Variants in PARD3B observed in about 807,000 individuals in gnomAD.
PARD3B encodes partitioning defective 3 homolog B.
A neutral mutation model predicts 130.2 loss-of-function variants in PARD3B; 103 were observed. The observed-to-expected ratio is 0.79, with a 90% CI of 0.67 to 0.93. The LOEUF (loss-of-function observed/expected upper bound fraction) is 0.93. Among genes scored for constraint, PARD3B ranks in the 40% least tolerant of loss-of-function variants. PARD3B has a pLI of 0.00. For missense variants in PARD3B, 1,609 were observed against 1,499.2 expected (o/e 1.07, Z -1.21); for synonymous variants, 583 against 553.2 (o/e 1.05, Z -0.76).
At chr2:204,692,709 A>C in intron 2 of PARD3B, among the ~76,000 whole-genome samples, 1 of 152,052 alleles carries the variant, frequency 6.6e-6, no homozygotes, top group East Asian at 1.9e-4. Context: ...ACATAGAAGA[A>C]GTTTGGAGAA....
chr2:204,917,470 T>C (rs2047491326), intron 2 of PARD3B, among the ~76,000 whole-genome samples: 1 of 152,206 alleles, frequency 6.6e-6, no homozygotes, highest in Non-Finnish European at 1.5e-5. Flanking sequence ...AATTTTTTTA[T>C]CCTGGGCAAC....
At chr2:204,809,111 T>TA (rs1263051506) in intron 2 of PARD3B, among the ~76,000 whole-genome samples, 3 of 152,134 alleles carry the variant, frequency 2.0e-5, no homozygotes, top group African/African-American at 4.8e-5. Flanking sequence ...TGCCCACTTT[T>TA]AATGGGTTTG....
chr2:204,547,342 T>G (rs1172046512), intron 1 of PARD3B, among the ~76,000 whole-genome samples: 1 of 151,880 alleles, frequency 6.6e-6, no homozygotes, highest in Non-Finnish European at 1.5e-5. Flanking sequence ...TGGAGGAGAG[T>G]ACAATGAAAG....
At chr2:204,831,827 A>G (rs1289308337) in intron 2 of PARD3B, among the ~76,000 whole-genome samples, 3 of 151,996 alleles carry the variant, frequency 2.0e-5, no homozygotes, top group African/African-American at 2.4e-5. Context: ...TTTTTTTTAT[A>G]CAATATAAAT....
At chr2:204,942,332 C>T (rs988919260) in intron 2 of PARD3B, among the ~76,000 whole-genome samples, 5 of 151,932 alleles carry the variant, frequency 3.3e-5, no homozygotes, top group Admixed American at 3.3e-4. Flanking sequence ...CTTTCTCTTT[C>T]TGTTTTGATA....
intron 4 of PARD3B, among the ~76,000 whole-genome samples, chr2:205,052,183 GT>G (rs1452417289): frequency 6.6e-6 from 1 of 151,780 alleles, no homozygotes. Flanking sequence ...TTAATATCCG[GT>G]TAACTAGCAA....
At position 204,623,375 on chromosome 2, in the gene PARD3B, C is replaced by G. The variant is rs1275512914; in HGVS notation, c.121-62806C>G. Among the ~76,000 whole-genome samples, 1 of 152,064 alleles carries G rather than the reference C, an allele frequency of 6.6e-6. No individual in the cohort carries two copies. Among genetic ancestry groups the G allele is most frequent in the Non-Finnish European group, 1.5e-5 (1 of 68,002 alleles). ...ATTACAATCAAGATAAGGAACTATT[C>G]TACCATATTCTACCATCACAAAAAC... On this transcript the variant is annotated intron_variant, in intron 1 of 22. Coordinates refer to ENST00000406610, the MANE Select transcript of PARD3B (RefSeq NM_001302769.2). This position sits in a 1 kb window ranked among gnomAD's most constrained non-coding sequence, Gnocchi z 4.5.
Position 205,618,929 on chromosome 2 carries a change from A to G in PARD3B, c.*3116A>G, listed in dbSNP as rs945320521. ...TAACCTAATAGCAAACAAAAATTGA[A>G]AAAACAATTATTCTGAAGCTCATTA... On this transcript the variant is annotated 3_prime_UTR_variant, in exon 23 of 23. Transcript: ENST00000406610. 6.6e-6 allele frequency: 1 copy of G among 152,212 alleles called. No individual in the cohort carries two copies. Among genetic ancestry groups the G allele is most frequent in the Non-Finnish European group, 1.5e-5 (1 of 68,032 alleles). The allele number at this position is 152,212 out of a possible 1,614,324, so 9.4% of individuals were successfully genotyped here.
chr2:205,586,175 G>A (rs1425530493), intron 22 of PARD3B, among the ~76,000 whole-genome samples: 1 of 152,092 alleles, frequency 6.6e-6, no homozygotes, highest in Non-Finnish European at 1.5e-5. Flanking sequence ...GATGATAGCC[G>A]CCTATTCTTG....
At chr2:204,924,847 A>G (rs1052495148) in intron 2 of PARD3B, among the ~76,000 whole-genome samples, 1 of 152,086 alleles carries the variant, frequency 6.6e-6, no homozygotes. Context: ...CAGCGAGGCT[A>G]ATAAAAGACA....
chr2:204,921,298 T>C (rs1178911323), intron 2 of PARD3B, among the ~76,000 whole-genome samples: 1 of 152,198 alleles, frequency 6.6e-6, no homozygotes, highest in Admixed American at 6.5e-5. Flanking sequence ...AGTATCCCTG[T>C]CTAGATCATA....
At position 205,067,318 on chromosome 2, in the gene PARD3B, A is replaced by C. The variant is rs78198727; in HGVS notation, c.504+19628A>C. On this transcript the variant is annotated intron_variant, in intron 4 of 22. Coordinates refer to ENST00000406610, the MANE Select transcript of PARD3B (RefSeq NM_001302769.2). ...TAAGACTACATGAGCATGTCACCAT[A>C]CCTGGCTAATTAAAAAAATTTTTTT... 2.9e-3 allele frequency among the ~76,000 whole-genome samples: 440 copies of C among 151,608 alleles called. 6 individuals are homozygous for C. Among genetic ancestry groups the C allele is most frequent in the Admixed American group, 0.024 (371 of 15,190 alleles).
At chr2:205,210,603 C>T (rs2037576144) in intron 15 of PARD3B, among the ~76,000 whole-genome samples, 1 of 151,998 alleles carries the variant, frequency 6.6e-6, no homozygotes, top group South Asian at 2.1e-4. Flanking sequence ...TATACGTGTA[C>T]TCCCCAGCCA....
At chr2:205,186,495 C>T (rs2036107380) in intron 14 of PARD3B, among the ~76,000 whole-genome samples, 1 of 152,080 alleles carries the variant, frequency 6.6e-6, no homozygotes, top group African/African-American at 2.4e-5. Flanking sequence ...TGTCCCTTTG[C>T]TATTTTCTAT....
At position 205,563,969 on chromosome 2, in the gene PARD3B, T is replaced by C. The variant is rs1403506803; in HGVS notation, c.3260+10566T>C. Among the ~76,000 whole-genome samples the C allele has an allele frequency of 6.6e-6, 1 of 152,228 alleles. No individual in the cohort carries two copies. Among genetic ancestry groups the C allele is most frequent in the East Asian group, 1.9e-4 (1 of 5,188 alleles). On this transcript the variant is annotated intron_variant, in intron 22 of 22. Coordinates refer to ENST00000406610, the MANE Select transcript of PARD3B (RefSeq NM_001302769.2). This position sits in a 1 kb window ranked among gnomAD's most constrained non-coding sequence, Gnocchi z 4.2. ...GGAGTTAACATTTGTTGAGCCCGTA[T>C]TGTGCTCCAAGAACTCTGGCAAGTA...
chr2:205,481,289 G>A lies in PARD3B; in HGVS notation c.3045-18607G>A, dbSNP rs73055975. On this transcript the variant is annotated intron_variant, in intron 20 of 22. Transcript: ENST00000406610. ...GAAACTGAGGATAAGTTTAGGGAAC[G>A]ATCAGAGCTTCACTGGAGACTGGAC... Among the ~76,000 whole-genome samples, 378 of 152,292 alleles carry A rather than the reference G, an allele frequency of 2.5e-3. 1 individual carries two copies. Among genetic ancestry groups the A allele is most frequent in the African/African-American group, 8.6e-3 (356 of 41,570 alleles).
chr2:205,522,412 G>A (rs922469111), intron 21 of PARD3B, among the ~76,000 whole-genome samples: 3 of 151,802 alleles, frequency 2.0e-5, no homozygotes, highest in Non-Finnish European at 4.4e-5. Flanking sequence ...ATGGTTTTAA[G>A]CTCTGTAGTC....
In PARD3B at chr2:205,113,528, G is replaced by A. The variant is rs1405637590; in HGVS notation, c.631G>A (p.Gly211Ser). 1.2e-6 allele frequency: 2 copies of A among 1,613,256 alleles called. No individual in the cohort carries two copies. The highest frequency in any genetic ancestry group is 1.3e-5 in the African/African-American group (1 of 74,848). ...TRTVEISGEG[G>S]PLGIHVVPFF... ...AACAGTGGAGATTTCTGGGGAAGGA[G>A]GCCCATTGGGAATACATGTAGTGCC... The change falls in exon 6 of 23, where the codon GGC becomes AGC. Residue 211 changes from glycine to serine, a missense_variant. By Grantham distance (56) the Gly-to-Ser change is moderately conservative. Transcript: ENST00000406610.
chr2:205,090,911 C>T (rs908213688), intron 4 of PARD3B, among the ~76,000 whole-genome samples: 10 of 152,208 alleles, frequency 6.6e-5, no homozygotes, highest in African/African-American at 2.4e-4. Context: ...CGGCCAATTT[C>T]ATCCTCTACC....
Sources: allele counts gnomAD v4.1 joint callset (sites outside exome capture counted in the v4.1 genomes callset), GRCh38; gene constraint gnomAD v4.1.1; non-coding constraint Gnocchi (gnomAD v3.1); transcripts MANE v1.5; gene names NCBI Gene and HGNC (gene_info 2026-07-23, HGNC 2026-07-21).